The following RAB3C variants were observed in gnomAD, a reference collection of about 807,000 sequenced individuals.
RAB3C encodes the protein ras-related protein Rab-3C.
A neutral mutation model predicts 26.4 loss-of-function variants in RAB3C; 17 were observed. The ratio of observed to expected loss-of-function variants is 0.64; its 90% CI spans 0.44 to 0.97. RAB3C has a LOEUF of 0.97. Ranked by LOEUF, RAB3C falls within the 50% of genes least tolerant of loss-of-function variation. RAB3C has a pLI of 0.00. For synonymous variants in RAB3C, 91 were observed against 95.9 expected, an observed-to-expected ratio of 0.95 and a Z score of 0.30; for missense variants, 242 against 281.9, an observed-to-expected ratio of 0.86 and a Z score of 1.01.
chr5:58,716,338 A>T (rs1305725683), intron 2 of RAB3C, among the ~76,000 whole-genome samples: 2 of 152,148 alleles, frequency 1.3e-5, no homozygotes, highest in Non-Finnish European at 2.9e-5. Flanking sequence ...TTCAAAAGCG[A>T]GATGATAACA....
intron 2 of RAB3C, among the ~76,000 whole-genome samples, chr5:58,681,771 T>C (rs146844316): frequency 6.6e-6 from 1 of 152,254 alleles, no homozygotes; most frequent in Non-Finnish European, 1.5e-5. Flanking sequence ...GAATAGGAAA[T>C]GGTAGGGTGG....
intron 2 of RAB3C, among the ~76,000 whole-genome samples, chr5:58,693,326 A>ATC (rs1748611743): frequency 1.2e-5 from 1 of 80,072 alleles, no homozygotes; most frequent in Non-Finnish European, 2.7e-5. Flanking sequence ...AAGAAATTAT[A>ATC]TATATATGTG....
chr5:58,797,339 CAAAAAAA>C (rs1206716376), intron 3 of RAB3C, among the ~76,000 whole-genome samples: 2 of 12,754 alleles, frequency 1.6e-4, no homozygotes, highest in Non-Finnish European at 3.9e-4. Flanking sequence ...CCCTGGAAGA[CAAAAAAA>C]AAAAAAAATA....
intron 3 of RAB3C, among the ~76,000 whole-genome samples, chr5:58,788,879 G>C (rs1229118019): frequency 6.6e-6 from 1 of 152,272 alleles, no homozygotes; most frequent in African/African-American, 2.4e-5. Flanking sequence ...TTTCCTAAGT[G>C]GTTTCCATGG....
chr5:58,825,535 C>A lies in RAB3C; in HGVS notation c.496+373C>A, dbSNP rs117308020. On this transcript the variant is annotated intron_variant, in intron 4 of 4. Coordinates refer to ENST00000282878, the MANE Select transcript of RAB3C (RefSeq NM_138453.4). ...TGTGTGATTATTGTTCTCAAGTTTCCATTGGAGGAGGATAATGGCACAGAA... is the reference window on the plus strand; with the variant it reads ...TGTGTGATTATTGTTCTCAAGTTTCAATTGGAGGAGGATAATGGCACAGAA... Among the ~76,000 whole-genome samples the A allele has an allele frequency of 5.3e-5, 8 of 151,930 alleles. No homozygotes were observed. In the East Asian group the frequency reaches 1.5e-3, roughly 29 times the overall value.
chr5:58,624,496 C>T (rs1394714348), intron 2 of RAB3C, among the ~76,000 whole-genome samples: 3 of 152,158 alleles, frequency 2.0e-5, no homozygotes, highest in Non-Finnish European at 4.4e-5. Flanking sequence ...GAAAAAGATA[C>T]ACAATGTCTT....
chr5:58,832,155 C>T (rs930347295), intron 4 of RAB3C, among the ~76,000 whole-genome samples: 1 of 152,188 alleles, frequency 6.6e-6, no homozygotes, highest in South Asian at 2.1e-4. Flanking sequence ...CATGCTGAAG[C>T]TTTCATGCAC....
chr5:58,838,224 C>CA (rs1242898936), intron 4 of RAB3C, among the ~76,000 whole-genome samples: 1 of 151,878 alleles, frequency 6.6e-6, no homozygotes, highest in East Asian at 1.9e-4. Context: ...ACTAAAAATA[C>CA]AAAAAATTAG....
intron 2 of RAB3C, among the ~76,000 whole-genome samples, chr5:58,650,152 T>G (rs1049657285): frequency 6.6e-6 from 1 of 152,218 alleles, no homozygotes; most frequent in Non-Finnish European, 1.5e-5. Context: ...TCCCAACTCA[T>G]GTAGCCAGGG....
intron 3 of RAB3C, among the ~76,000 whole-genome samples, chr5:58,745,812 T>C (rs1252905121): frequency 3.3e-5 from 5 of 152,336 alleles, no homozygotes; most frequent in Middle Eastern, 3.4e-3. Flanking sequence ...TTATTGTACT[T>C]TGCTGTAAAG....
intron 1 of RAB3C, among the ~76,000 whole-genome samples, chr5:58,603,540 T>A (rs1466547785): frequency 6.6e-6 from 1 of 152,214 alleles, no homozygotes; most frequent in African/African-American, 2.4e-5. Flanking sequence ...TGGATTGGGT[T>A]AATTCAAAGA....
At chr5:58,651,931 A>G (rs1747659816) in intron 2 of RAB3C, among the ~76,000 whole-genome samples, 1 of 144,124 alleles carries the variant, frequency 6.9e-6, no homozygotes, top group African/African-American at 2.7e-5. Flanking sequence ...TGTAAATGCT[A>G]TGTAAATAAT....
chr5:58,834,087 T>C (rs574881669), intron 4 of RAB3C, among the ~76,000 whole-genome samples: 1 of 152,370 alleles, frequency 6.6e-6, no homozygotes, highest in South Asian at 2.1e-4. Context: ...ATGTCTGCAT[T>C]GTTAACCTTC....
intron 3 of RAB3C, among the ~76,000 whole-genome samples, chr5:58,734,499 G>C (rs1383502632): frequency 6.6e-6 from 1 of 152,108 alleles, no homozygotes; most frequent in Admixed American, 6.6e-5. Context: ...CTCCCTGGAT[G>C]TTAATGATAC....
intron 3 of RAB3C, among the ~76,000 whole-genome samples, chr5:58,779,753 G>C (rs569318133): frequency 1.3e-5 from 2 of 152,206 alleles, no homozygotes; most frequent in South Asian, 4.1e-4. Flanking sequence ...GATGGTCTTT[G>C]TGTACTGGGC....
chr5:58,667,189 T>C (rs1357208378), intron 2 of RAB3C, among the ~76,000 whole-genome samples: 1 of 152,170 alleles, frequency 6.6e-6, no homozygotes, highest in Non-Finnish European at 1.5e-5. Context: ...TAGGCCTTAC[T>C]GAGCTTGGCA....
chr5:58,667,115 A>G (rs1748018669), intron 2 of RAB3C, among the ~76,000 whole-genome samples: 1 of 152,290 alleles, frequency 6.6e-6, no homozygotes, highest in South Asian at 2.1e-4. Flanking sequence ...CAGAACCACC[A>G]TATCATATCA....
chr5:58,585,804 C>T (rs1745997941), intron 1 of RAB3C, among the ~76,000 whole-genome samples: 1 of 151,998 alleles, frequency 6.6e-6, no homozygotes, highest in African/African-American at 2.4e-5. Flanking sequence ...ATAGTAACTA[C>T]CAAAATAATA....
rs766469195 is a variant in RAB3C at position 58,825,077 on chromosome 5, A to C, written c.411A>C (p.Gln137His). Reference sequence around the variant, plus strand: ...AAACATACTCTTGGGACAATGCCCAAGTTATTCTGGTTGGGAACAAGTGTG... The same window carrying C: ...AAACATACTCTTGGGACAATGCCCACGTTATTCTGGTTGGGAACAAGTGTG... ...QIKTYSWDNA[Q>H]VILVGNKCDM... is the part of the protein sequence containing the mutation. Residue 137 changes from glutamine to histidine, a missense_variant, in exon 4 of 5, where the codon CAA becomes CAC. Physicochemically the swap from Gln to His is conservative, Grantham distance 24 (BLOSUM62 0). Coordinates refer to ENST00000282878, the MANE Select transcript of RAB3C (RefSeq NM_138453.4). The C allele has an allele frequency of 6.2e-7, 1 of 1,613,490 alleles. No homozygotes were observed. The highest frequency in any genetic ancestry group is 1.1e-5 in the South Asian group (1 of 91,042).
Sources: gnomAD v4.1 joint callset for allele counts (sites outside exome capture counted in the v4.1 genomes callset) on GRCh38, gnomAD v4.1.1 for gene constraint, MANE v1.5 for transcripts, NCBI Gene and HGNC (gene_info 2026-07-23, HGNC 2026-07-21) for gene names.